Variants in MAGI2 observed in about 807,000 individuals in gnomAD.
MAGI2 encodes membrane-associated guanylate kinase, WW and PDZ domain-containing protein 2.
A neutral mutation model predicts 133.3 loss-of-function variants in MAGI2; 35 were observed. That is an observed-to-expected ratio of 0.26 (90% CI 0.20 to 0.35). MAGI2 has a LOEUF of 0.35. MAGI2 is among the 10% of genes least tolerant of loss of function. The pLI is 1.00. For synonymous variants in MAGI2, 729 were observed against 710.6 expected (o/e 1.03, Z -0.41); for missense variants, 1,636 against 1,863.4 (o/e 0.88, Z 2.25).
At chr7:78,808,457 C>T (rs569955332) in intron 2 of MAGI2, among the ~76,000 whole-genome samples, 1 of 152,190 alleles carries the variant, frequency 6.6e-6, no homozygotes, top group Non-Finnish European at 1.5e-5. Context: ...GGGGTTTTAC[C>T]ATGTTAGCCA....
At chr7:79,007,274 T>C (rs1311743163) in intron 1 of MAGI2, 68 bp from the exon 2 acceptor site, 2 of 880,718 alleles carry the variant, frequency 2.3e-6, no homozygotes, top group African/African-American at 1.7e-5. Context: ...TTTGATTCTG[T>C]CATCAATATA....
intron 3 of MAGI2, chr7:78,614,329 A>G (rs539634525): frequency 1.8e-4 from 28 of 151,888 alleles, no homozygotes; most frequent in African/African-American, 6.3e-4. Flanking sequence ...ATTTCCACAT[A>G]CTATCATGCT....
chr7:78,544,340 T>C (rs113449255), intron 3 of MAGI2, among the ~76,000 whole-genome samples: 1 of 152,198 alleles, frequency 6.6e-6, no homozygotes, highest in African/African-American at 2.4e-5. Context: ...AGTCAAGACA[T>C]TGACTAAAAG....
rs572981013 is a variant in MAGI2, at chr7:79,216,988, A to T, written c.302-209782T>A. 3.3e-5 allele frequency among the ~76,000 whole-genome samples: 5 copies of T among 152,250 alleles called. No individual in the cohort carries two copies. In the South Asian group the frequency reaches 1.0e-3, roughly 32 times the overall value. On this transcript the variant is annotated intron_variant, in intron 1 of 21. Coordinates refer to ENST00000354212, the MANE Select transcript of MAGI2 (RefSeq NM_012301.4). ...TCATTTGTTAGAAACATCATTGTTA[A>T]TTGACAAATAAAAGCACGTGAAGCT...
intron 2 of MAGI2, among the ~76,000 whole-genome samples, chr7:78,826,858 G>A (rs1186769205): frequency 6.6e-6 from 1 of 152,102 alleles, no homozygotes; most frequent in African/African-American, 2.4e-5. Flanking sequence ...TCGCGAAAGT[G>A]TGCAGGTTAC....
chr7:79,275,021 C>G (rs1296758901), intron 1 of MAGI2, among the ~76,000 whole-genome samples: 1 of 152,124 alleles, frequency 6.6e-6, no homozygotes, highest in African/African-American at 2.4e-5. Context: ...TCAGGCTTCC[C>G]TATTCCCTGA....
At chr7:78,185,533 T>A (rs1319812456) in intron 13 of MAGI2, 96 bp downstream of exon 13, 1 of 965,082 alleles carries the variant, frequency 1.0e-6, no homozygotes, top group Non-Finnish European at 1.6e-6. Flanking sequence ...GCACAGCGAT[T>A]ATATACTAGG....
chr7:79,277,356 C>T (rs1835309215), intron 1 of MAGI2, among the ~76,000 whole-genome samples: 1 of 151,914 alleles, frequency 6.6e-6, no homozygotes, highest in East Asian at 1.9e-4. Context: ...GACATAATGC[C>T]ATCACACACT....
chr7:78,669,450 G>A (rs189103606), intron 2 of MAGI2, among the ~76,000 whole-genome samples: 2,261 of 152,044 alleles, frequency 0.015, 62 homozygotes, highest in African/African-American at 0.052. Context: ...GCCAAAAAGA[G>A]TCCAGGACCA....
intron 2 of MAGI2, among the ~76,000 whole-genome samples, chr7:78,747,397 C>T (rs1823022111): frequency 6.6e-6 from 1 of 151,924 alleles, no homozygotes; most frequent in Non-Finnish European, 1.5e-5. Context: ...TGTTCATAGA[C>T]ACAATAAATA....
intron 1 of MAGI2, among the ~76,000 whole-genome samples, chr7:79,186,525 C>A (rs1478667649): frequency 2.0e-5 from 3 of 148,958 alleles, no homozygotes; most frequent in Admixed American, 6.7e-5. Context: ...CAGATATACA[C>A]ACATACTTTG....
At chr7:78,208,631 C>T (rs1787370794) in intron 10 of MAGI2, among the ~76,000 whole-genome samples, 1 of 150,106 alleles carries the variant, frequency 6.7e-6, no homozygotes, top group South Asian at 2.1e-4. Flanking sequence ...GGAAGGCAAT[C>T]AATACTTGCA....
chr7:79,181,782 A>G (rs1826644210), intron 1 of MAGI2, among the ~76,000 whole-genome samples: 1 of 152,018 alleles, frequency 6.6e-6, no homozygotes, highest in Non-Finnish European at 1.5e-5. Context: ...TGCCTTTAAC[A>G]GCACCCAAGT....
At chr7:78,427,670 A>AAC (rs1799418100) in intron 6 of MAGI2, among the ~76,000 whole-genome samples, 1 of 151,906 alleles carries the variant, frequency 6.6e-6, no homozygotes, top group Non-Finnish European at 1.5e-5. Flanking sequence ...AAAAAAAAAA[A>AAC]AAAACAGCCA....
At chr7:78,051,456 CTGTCT>C (rs1355447824) in intron 21 of MAGI2, among the ~76,000 whole-genome samples, 7 of 152,330 alleles carry the variant, frequency 4.6e-5, no homozygotes, top group Middle Eastern at 3.4e-3. Context: ...TTGGTCCTCA[CTGTCT>C]TTTTCAATTT....
At chr7:78,128,325 G>A (rs3807718) in intron 18 of MAGI2, among the ~76,000 whole-genome samples, 130,096 of 151,926 alleles carry the variant, frequency 0.86, 56,092 homozygotes, top group African/African-American at 0.91. Flanking sequence ...CTGAAAAATT[G>A]TCACCATGGT....
intron 10 of MAGI2, among the ~76,000 whole-genome samples, chr7:78,216,208 A>C (rs753105460): frequency 7.2e-5 from 11 of 152,178 alleles, no homozygotes; most frequent in Non-Finnish European, 1.3e-4. Context: ...ATAGCAATTC[A>C]AGTTGATTTC....
At chr7:78,337,621 A>C (rs573897189) in intron 9 of MAGI2, among the ~76,000 whole-genome samples, 2 of 152,278 alleles carry the variant, frequency 1.3e-5, no homozygotes, top group South Asian at 4.1e-4. Flanking sequence ...TTTCAATACC[A>C]ATGACTTATC....
intron 3 of MAGI2, among the ~76,000 whole-genome samples, chr7:78,536,392 G>A (rs1302947803): frequency 6.6e-6 from 1 of 151,982 alleles, no homozygotes; most frequent in Non-Finnish European, 1.5e-5. Flanking sequence ...GATTACAGGC[G>A]TGAGCCACCG....
Sources: gnomAD v4.1 joint callset for allele counts (sites outside exome capture counted in the v4.1 genomes callset) on GRCh38, gnomAD v4.1.1 for gene constraint, MANE v1.5 for transcripts, NCBI Gene and HGNC (gene_info 2026-07-23, HGNC 2026-07-21) for gene names.